The following RICTOR variants were observed in gnomAD, a reference collection of about 807,000 sequenced individuals.
The protein encoded by RICTOR is RPTOR independent companion of MTOR complex 2.
A neutral mutation model predicts 214.9 loss-of-function variants in RICTOR; 49 were observed. The observed-to-expected ratio is 0.23, with a 90% CI of 0.18 to 0.29. The LOEUF is 0.29. Ranked by LOEUF, RICTOR falls within the 10% of genes least tolerant of loss-of-function variation. The pLI is 1.00. For missense variants in RICTOR, 1,625 were observed against 2,047.0 expected (o/e 0.79, Z 3.98); for synonymous variants, 717 against 711.3 (o/e 1.01, Z -0.13).
chr5:38,993,426 T>G, intron 6 of RICTOR, among the ~76,000 whole-genome samples: 1 of 147,144 alleles, frequency 6.8e-6, no homozygotes. Flanking sequence ...ATGAGGGAGA[T>G]AAAGCCAGAA....
Position 39,033,041 on chromosome 5 carries a change from A to G in RICTOR, c.98-11905T>C, listed in dbSNP as rs560078338. ...ATATATCTGATTTGTCAGGGTTCCA[A>G]TTTACAGTTGGTGTACCACTGTAAT... On this transcript the variant is annotated intron_variant, in intron 2 of 37. Coordinates refer to ENST00000357387, the MANE Select transcript of RICTOR (RefSeq NM_152756.5). Among the ~76,000 whole-genome samples the G allele has an allele frequency of 6.5e-4, 99 of 152,178 alleles. 2 individuals are homozygous for G. Among genetic ancestry groups the G allele is most frequent in the Non-Finnish European group, 1.2e-3 (80 of 68,042 alleles).
At chr5:38,970,130 T>C (rs1750656484) in intron 11 of RICTOR, 1 of 152,142 alleles carries the variant, frequency 6.6e-6, no homozygotes, top group Non-Finnish European at 1.5e-5. Context: ...ATAACCTAGG[T>C]GTGTAGTAGG....
At chr5:39,069,568 G>C (rs1455033213) in intron 2 of RICTOR, among the ~76,000 whole-genome samples, 4 of 152,140 alleles carry the variant, frequency 2.6e-5, no homozygotes, top group Non-Finnish European at 5.9e-5. Context: ...ACACTGGATG[G>C]GCAGCCTCTA....
intron 8 of RICTOR, among the ~76,000 whole-genome samples, chr5:38,979,345 C>T (rs1751517211): frequency 6.6e-6 from 1 of 152,148 alleles, no homozygotes; most frequent in South Asian, 2.1e-4. Flanking sequence ...TTGTCTACGG[C>T]ATTACTGTGG....
chr5:39,014,363 T>A (rs1754776310), intron 3 of RICTOR, among the ~76,000 whole-genome samples: 2 of 152,144 alleles, frequency 1.3e-5, no homozygotes, highest in Non-Finnish European at 2.9e-5. Context: ...CAGAAAAGGA[T>A]ACTTTCTAGT....
At chr5:39,004,997 T>C (rs1753938551) in intron 3 of RICTOR, among the ~76,000 whole-genome samples, 1 of 152,058 alleles carries the variant, frequency 6.6e-6, no homozygotes, top group Admixed American at 6.6e-5. Flanking sequence ...GTCAGGCTGG[T>C]CTCAAACTCC....
Position 38,944,361 on chromosome 5 carries a change from C to A in RICTOR, c.4913+85G>T. The A allele has an allele frequency of 2.2e-6, 3 of 1,368,716 alleles. No individual in the cohort carries two copies. In the South Asian group the frequency reaches 3.7e-5, roughly 17 times the overall value. The allele number at this position is 1,368,716 out of a possible 1,614,324, so 84.8% of individuals were successfully genotyped here. A position where few individuals can be genotyped will look rare whatever the true frequency, so the allele number is the denominator to read the frequency against. ...AGAACTACTGATGTAAGTTAACTAG[C>A]CTAACTTTTGAAGTATTTCAAGTAT... is the stretch of plus-strand genomic sequence containing the variant. On this transcript the variant is annotated intron_variant, in intron 36 of 37. Coordinates refer to ENST00000357387, the MANE Select transcript of RICTOR (RefSeq NM_152756.5).
intron 2 of RICTOR, among the ~76,000 whole-genome samples, chr5:39,070,079 G>A (rs1446296794): frequency 6.6e-6 from 1 of 152,118 alleles, no homozygotes; most frequent in East Asian, 1.9e-4. Flanking sequence ...TTCAGCATCT[G>A]GTATATAAAT....
At chr5:38,980,894 T>C (rs1751667375) in intron 8 of RICTOR, 1 of 152,064 alleles carries the variant, frequency 6.6e-6, no homozygotes, top group Non-Finnish European at 1.5e-5. Context: ...TTATCTTTTA[T>C]TCATCTCTCC....
Position 38,992,994 on chromosome 5 carries a change from G to A in RICTOR, c.457-1919C>T, listed in dbSNP as rs1752898251. Among the ~76,000 whole-genome samples, 5 of 152,206 alleles carry A rather than the reference G, an allele frequency of 3.3e-5. No homozygotes were observed. The East Asian group carries it at 9.6e-4, about 29-fold the overall frequency. On this transcript the variant is annotated intron_variant, in intron 6 of 37. Coordinates refer to ENST00000357387, the MANE Select transcript of RICTOR (RefSeq NM_152756.5). ...AGACTAGAAGATCGATGTAAGGTGA[G>A]AAGGGCTGAAAATGAAGAGTAGGAA...
chr5:38,942,866 T>A lies in RICTOR; in HGVS notation c.5019A>T (p.Ile1673=). Residue 1673 remains isoleucine (I), a synonymous_variant, in exon 37 of 38, where the codon ATA becomes ATT. Coordinates refer to ENST00000357387, the MANE Select transcript of RICTOR (RefSeq NM_152756.5). Reference sequence around the variant, plus strand: ...ACTGTACATCTTGAAATAATTCTTGTATGAACCTCCGACACGGAAGTCTGA... The same window carrying A: ...ACTGTACATCTTGAAATAATTCTTGAATGAACCTCCGACACGGAAGTCTGA... ...CTFRLPCRRF[I]QELFQDVQFL... 2 of 1,611,650 alleles carry A rather than the reference T, an allele frequency of 1.2e-6. No homozygotes were observed. Among genetic ancestry groups the A allele is most frequent in the Non-Finnish European group, 1.7e-6 (2 of 1,177,768 alleles).
chr5:38,975,733 G>GCC, intron 9 of RICTOR, 129 bp from the exon 10 acceptor site: 1 of 680,420 alleles, frequency 1.5e-6, no homozygotes, highest in South Asian at 1.8e-5. Context: ...ATTAAAACAA[G>GCC]ACAAAGATCA....
intron 2 of RICTOR, among the ~76,000 whole-genome samples, chr5:39,057,846 T>A (rs1036460828): frequency 6.6e-6 from 1 of 152,126 alleles, no homozygotes; most frequent in East Asian, 1.9e-4. Flanking sequence ...AAAAATTTAA[T>A]ACACTTCAAG....
chr5:39,050,754 T>C (rs1757781366), intron 2 of RICTOR, among the ~76,000 whole-genome samples: 1 of 152,120 alleles, frequency 6.6e-6, no homozygotes, highest in African/African-American at 2.4e-5. Flanking sequence ...AACATATACC[T>C]TGGATTTGCT....
At chr5:39,032,471 A>G (rs574511895) in intron 2 of RICTOR, among the ~76,000 whole-genome samples, 2 of 152,350 alleles carry the variant, frequency 1.3e-5, no homozygotes, top group South Asian at 4.1e-4. Context: ...AAAACTGAAC[A>G]TGGACTTCAT....
intron 6 of RICTOR, among the ~76,000 whole-genome samples, chr5:38,992,123 T>C (rs1030481092): frequency 6.6e-6 from 1 of 152,104 alleles, no homozygotes; most frequent in Non-Finnish European, 1.5e-5. Flanking sequence ...TTAAGACATA[T>C]TACAAAGTTC....
intron 2 of RICTOR, among the ~76,000 whole-genome samples, chr5:39,058,407 AAGTATCAATCAGATGTTAGATACTATC>A (rs1758329222): frequency 6.6e-6 from 1 of 152,102 alleles, no homozygotes; most frequent in Non-Finnish European, 1.5e-5. Context: ...GATAGGTTAT[AAGTATCAATCAGATGTTAGATACTATC>A]AGTCTAATAA....
Position 38,959,904 on chromosome 5 carries a change from G to A in RICTOR, c.1926C>T (p.Pro642=), listed in dbSNP as rs73751814. The A allele has an allele frequency of 1.2e-3, 1,891 of 1,612,746 alleles. 14 individuals carry two copies. The African/African-American group carries it at 0.02, about 17-fold the overall frequency. Residue 642 remains proline, a synonymous_variant, in exon 21 of 38, where the codon CCC becomes CCT. Coordinates refer to ENST00000357387, the MANE Select transcript of RICTOR (RefSeq NM_152756.5). ...AACCATTATTTTGAAGACTTCTTTC[G>A]GGTTTCATTCCAGATGAAGCATTGA... is the stretch of plus-strand genomic sequence containing the variant. ...QWLNASSGMK[P]ERSLQNNGLL...
chr5:38,954,265 C>T (rs906285808), intron 27 of RICTOR, among the ~76,000 whole-genome samples: 8 of 151,832 alleles, frequency 5.3e-5, no homozygotes, highest in African/African-American at 1.7e-4. Context: ...ACCATAAATG[C>T]GGTGTACATA....
Sources: gnomAD v4.1 joint callset for allele counts (sites outside exome capture counted in the v4.1 genomes callset) on GRCh38, gnomAD v4.1.1 for gene constraint, MANE v1.5 for transcripts, NCBI Gene and HGNC (gene_info 2026-07-23, HGNC 2026-07-21) for gene names.